The following OPCML variants were observed in gnomAD, a reference collection of about 807,000 sequenced individuals.
OPCML encodes opioid-binding protein/cell adhesion molecule.
OPCML carries 13 observed loss-of-function variants against 37.8 expected under a neutral mutation model. The observed-to-expected ratio is 0.34, with a 90% CI of 0.22 to 0.55. The LOEUF is 0.55. Among genes scored for constraint, OPCML ranks in the 20% least tolerant of loss-of-function variants. OPCML has a pLI of 0.91. For missense variants in OPCML, 341 were observed against 435.6 expected (o/e 0.78, Z 1.93); for synonymous variants, 176 against 168.8 (o/e 1.04, Z -0.33).
chr11:133,375,799 G>A lies in OPCML; in HGVS notation c.61+156465C>T, dbSNP rs142645640. On this transcript the variant is annotated intron_variant, in intron 1 of 7. Transcript: ENST00000524381. ...TCTTAAGACAGACCGGTGTCTGTGC[G>A]TTCCCACAATGACTAGCAGGGTGGG... is the stretch of plus-strand genomic sequence containing the variant. Among the ~76,000 whole-genome samples the A allele has an allele frequency of 3.7e-3, 564 of 152,256 alleles. 2 individuals are homozygous for A. The highest frequency in any genetic ancestry group is 0.011 in the African/African-American group (448 of 41,542).
At chr11:133,251,215 C>G (rs1941121456) in intron 1 of OPCML, among the ~76,000 whole-genome samples, 1 of 152,108 alleles carries the variant, frequency 6.6e-6, no homozygotes. Flanking sequence ...TGGGCTACAA[C>G]AGAAGCCTCT....
At chr11:132,491,946 T>TA (rs60265070) in intron 4 of OPCML, among the ~76,000 whole-genome samples, 3 of 141,550 alleles carry the variant, frequency 2.1e-5, no homozygotes, top group African/African-American at 7.9e-5. Context: ...TTTTTTTTTT[T>TA]ACTATCCAGT....
At position 133,401,078 on chromosome 11, in the gene OPCML, C is replaced by A. The variant is rs1054875701; in HGVS notation, c.61+131186G>T. Among the ~76,000 whole-genome samples, 12 of 152,110 alleles carry A rather than the reference C, an allele frequency of 7.9e-5. No individual in the cohort carries two copies. The South Asian group carries it at 2.1e-3, about 26-fold the overall frequency. ...AGCAGCAATTTCCCCAAGTTTAGAG[C>A]AGAAAAGTCACTGAAAAATAAATAC... On this transcript the variant is annotated intron_variant, in intron 1 of 7. Coordinates refer to ENST00000524381, the MANE Select transcript of OPCML (RefSeq NM_001012393.5).
At chr11:133,366,677 ACTT>A (rs1408460324) in intron 1 of OPCML, among the ~76,000 whole-genome samples, 6 of 152,230 alleles carry the variant, frequency 3.9e-5, no homozygotes, top group Non-Finnish European at 7.3e-5. Context: ...CCAGGTCTCT[ACTT>A]CTTAGCATTA....
At chr11:133,227,705 T>C (rs1056735516) in intron 1 of OPCML, among the ~76,000 whole-genome samples, 10 of 152,158 alleles carry the variant, frequency 6.6e-5, no homozygotes, top group Non-Finnish European at 1.2e-4. Flanking sequence ...GGAAATGCAG[T>C]GGCCCTCCAG....
intron 1 of OPCML, among the ~76,000 whole-genome samples, chr11:133,396,608 T>A (rs988308265): frequency 4.6e-5 from 7 of 152,202 alleles, no homozygotes; most frequent in African/African-American, 1.7e-4. Context: ...ATAGTCCTCC[T>A]TTGATTACAA....
At chr11:133,241,906 C>T (rs72653408) in intron 1 of OPCML, among the ~76,000 whole-genome samples, 4 of 152,122 alleles carry the variant, frequency 2.6e-5, no homozygotes, top group Non-Finnish European at 4.4e-5. Flanking sequence ...CCTATCCTAC[C>T]GGGCTAGCTT....
At chr11:132,430,443 T>C (rs2095992780) in intron 7 of OPCML, among the ~76,000 whole-genome samples, 1 of 152,118 alleles carries the variant, frequency 6.6e-6, no homozygotes, top group South Asian at 2.1e-4. Flanking sequence ...AGAGAGCCAG[T>C]CTGATATGTA....
intron 1 of OPCML, among the ~76,000 whole-genome samples, chr11:133,128,808 G>C (rs1481562104): frequency 1.3e-5 from 2 of 152,142 alleles, no homozygotes; most frequent in Non-Finnish European, 2.9e-5. Context: ...GTGACCAAGA[G>C]AGTGGAGAAG....
intron 1 of OPCML, among the ~76,000 whole-genome samples, chr11:133,234,486 A>G (rs1940426644): frequency 6.6e-6 from 1 of 152,236 alleles, no homozygotes; most frequent in South Asian, 2.1e-4. Context: ...AAGCAAGGAA[A>G]GGCGAATGGC....
chr11:133,314,596 C>G lies in OPCML; in HGVS notation c.61+217668G>C, dbSNP rs182059532. On this transcript the variant is annotated intron_variant, in intron 1 of 7. Coordinates refer to ENST00000524381, the MANE Select transcript of OPCML (RefSeq NM_001012393.5). ...AGAAAGAAAAGAAAAACACAGTCCA[C>G]GCTGCCATCATTTCCTACCATATTC... 1.5e-3 allele frequency among the ~76,000 whole-genome samples: 228 copies of G among 152,034 alleles called. 5 individuals carry two copies. Among genetic ancestry groups the G allele is most frequent in the Middle Eastern group, 0.01 (3 of 294 alleles).
At chr11:133,236,015 G>C (rs1278684541) in intron 1 of OPCML, among the ~76,000 whole-genome samples, 1 of 152,110 alleles carries the variant, frequency 6.6e-6, no homozygotes, top group African/African-American at 2.4e-5. Context: ...TATATACTAT[G>C]TTTTCTCCTA....
rs114801802 is a variant in OPCML, at chr11:132,886,474, G to C, written c.146+56452C>G. The stretch of plus-strand genomic sequence containing the variant: ...ATTCCTTATCTGACACCTTGGCAGC[G>C]ACCGTGAGAAGGACCAGCTCCAGCT... On this transcript the variant is annotated intron_variant, in intron 2 of 7. Transcript: ENST00000524381. Among the ~76,000 whole-genome samples, 4 of 152,190 alleles carry C rather than the reference G, an allele frequency of 2.6e-5. No homozygotes were observed. In the South Asian group the frequency reaches 8.3e-4, roughly 32 times the overall value.
At chr11:132,524,649 C>G (rs2096303322) in intron 4 of OPCML, among the ~76,000 whole-genome samples, 1 of 152,174 alleles carries the variant, frequency 6.6e-6, no homozygotes, top group Non-Finnish European at 1.5e-5. Flanking sequence ...CTGGTAACAT[C>G]CAGCTTTCCT....
intron 2 of OPCML, among the ~76,000 whole-genome samples, chr11:132,930,448 A>G (rs1301812859): frequency 1.3e-5 from 2 of 152,224 alleles, no homozygotes; most frequent in African/African-American, 4.8e-5. Flanking sequence ...TTCACAGATG[A>G]TATAATCTTA....
At chr11:132,820,083 GAAT>G (rs1939885424) in intron 2 of OPCML, among the ~76,000 whole-genome samples, 1 of 151,892 alleles carries the variant, frequency 6.6e-6, no homozygotes, top group Non-Finnish European at 1.5e-5. Flanking sequence ...ATGAATGAAT[GAAT>G]GAATGAATGA....
intron 7 of OPCML, among the ~76,000 whole-genome samples, chr11:132,420,617 G>A (rs2095955062): frequency 6.6e-6 from 1 of 152,226 alleles, no homozygotes; most frequent in African/African-American, 2.4e-5. Context: ...TTTCTAATCA[G>A]TGCCTCTAAC....
At chr11:132,476,914 A>G (rs2096158355) in intron 4 of OPCML, among the ~76,000 whole-genome samples, 1 of 152,188 alleles carries the variant, frequency 6.6e-6, no homozygotes, top group Admixed American at 6.5e-5. Context: ...TTTATCTACT[A>G]AACAAATTGC....
intron 1 of OPCML, among the ~76,000 whole-genome samples, chr11:133,137,428 G>A (rs933409982): frequency 3.3e-5 from 5 of 152,194 alleles, no homozygotes; most frequent in Admixed American, 6.5e-5. Flanking sequence ...TAAAGATGTT[G>A]ATATTACTTG....
Sources: allele counts gnomAD v4.1 joint callset (sites outside exome capture counted in the v4.1 genomes callset), GRCh38; gene constraint gnomAD v4.1.1; transcripts MANE v1.5; gene names NCBI Gene and HGNC (gene_info 2026-07-23, HGNC 2026-07-21).